COLEC10: variants seen among roughly 807,000 people sequenced by gnomAD.
The protein encoded by COLEC10 is collectin-10.
Under a neutral mutation model 28.4 loss-of-function variants are expected in COLEC10, and 22 were observed. The ratio of observed to expected loss-of-function variants is 0.78; its 90% CI spans 0.55 to 1.11. COLEC10 has a LOEUF of 1.11. Ranked by LOEUF, COLEC10 falls within the 50% of genes least tolerant of loss-of-function variation. COLEC10 has a pLI of 0.00. For synonymous variants in COLEC10, 125 were observed against 116.1 expected (o/e 1.08, Z -0.49); for missense variants, 361 against 344.1 (o/e 1.05, Z -0.39).
intron 3 of COLEC10, among the ~76,000 whole-genome samples, chr8:119,094,110 C>T (rs575807207): frequency 6.6e-6 from 1 of 152,250 alleles, no homozygotes; most frequent in African/African-American, 2.4e-5. Flanking sequence ...CTATGTAGCT[C>T]TATCCAAAGC....
At chr8:118,976,062 A>C in the COLEC10 span, among the ~76,000 whole-genome samples, 2 of 152,040 alleles carry the variant, frequency 1.3e-5, no homozygotes, top group Non-Finnish European at 2.9e-5. Context: ...AGTTTCTTTA[A>C]ATGTTTGAAA....
At chr8:119,045,545 G>C (rs1814572415) in intron 2 of COLEC10, among the ~76,000 whole-genome samples, 1 of 152,144 alleles carries the variant, frequency 6.6e-6, no homozygotes, top group South Asian at 2.1e-4. Context: ...AAGTCCAAAG[G>C]TCAATTACTT....
At chr8:118,953,886 T>C in the COLEC10 span, among the ~76,000 whole-genome samples, 1 of 152,240 alleles carries the variant, frequency 6.6e-6, no homozygotes. Flanking sequence ...TTTTTTGTTA[T>C]TCCTATAATG....
intron 5 of COLEC10, among the ~76,000 whole-genome samples, chr8:119,105,193 G>C (rs1219410392): frequency 2.0e-5 from 3 of 152,240 alleles, no homozygotes; most frequent in African/African-American, 7.2e-5. Context: ...CAAAGACATG[G>C]TCATTGTCCT....
chr8:119,062,492 T>G (rs1171363019), upstream of COLEC10, among the ~76,000 whole-genome samples: 2 of 147,696 alleles, frequency 1.4e-5, no homozygotes, highest in Admixed American at 1.4e-4. Flanking sequence ...TTTTTTTTTT[T>G]CTTTTTAGAC....
Position 119,081,581 on chromosome 8 carries a change from C to T in COLEC10, c.149-8099C>T, listed in dbSNP as rs531871358. On this transcript the variant is annotated intron_variant, in intron 1 of 5. Coordinates refer to ENST00000332843, the MANE Select transcript of COLEC10 (RefSeq NM_006438.5). ...AATTGAAAATGAAAAAAATGTTTTT[C>T]GATGGAGGCAGGAACTGAAAGACAT... is the stretch of plus-strand genomic sequence containing the variant. Among the ~76,000 whole-genome samples, 6 of 152,008 alleles carry T rather than the reference C, an allele frequency of 3.9e-5. No individual in the cohort carries two copies. The South Asian group carries it at 8.3e-4, about 21-fold the overall frequency.
At chr8:119,000,719 T>C (rs1813680514) in intron 1 of COLEC10, among the ~76,000 whole-genome samples, 1 of 152,154 alleles carries the variant, frequency 6.6e-6, no homozygotes, top group South Asian at 2.1e-4. Flanking sequence ...ACTGGAATAA[T>C]GTGATATTTT....
intron 5 of COLEC10, among the ~76,000 whole-genome samples, chr8:119,104,427 C>T (rs1014634032): frequency 6.6e-6 from 1 of 152,056 alleles, no homozygotes; most frequent in African/African-American, 2.4e-5. Context: ...TTCTCTGACT[C>T]CTCTATCCAC....
the COLEC10 span, among the ~76,000 whole-genome samples, chr8:118,978,127 G>A: frequency 1.3e-5 from 2 of 152,054 alleles, no homozygotes; most frequent in Non-Finnish European, 2.9e-5. Context: ...TAGAGCCAAA[G>A]ATAAAATCAA....
chr8:119,048,749 C>G (rs996076516), intron 2 of COLEC10, among the ~76,000 whole-genome samples: 8 of 152,092 alleles, frequency 5.3e-5, no homozygotes, highest in Non-Finnish European at 1.0e-4. Context: ...TAAGATGGGT[C>G]TCTTGAAGAC....
intron 2 of COLEC10, among the ~76,000 whole-genome samples, chr8:119,042,071 C>A (rs968987312): frequency 4.6e-5 from 7 of 151,896 alleles, no homozygotes; most frequent in Admixed American, 1.3e-4. Flanking sequence ...AATCTCCGCT[C>A]ACTACAACCT....
chr8:119,090,854 C>A (rs1489148757), intron 2 of COLEC10, among the ~76,000 whole-genome samples: 1 of 152,156 alleles, frequency 6.6e-6, no homozygotes, highest in African/African-American at 2.4e-5. Context: ...TTTCACCTGG[C>A]CCTTCTCTAA....
chr8:119,061,822 A>G (rs1272619084), intron 2 of COLEC10, among the ~76,000 whole-genome samples: 1 of 152,164 alleles, frequency 6.6e-6, no homozygotes, highest in East Asian at 1.9e-4. Context: ...AAAATAGTCA[A>G]GTTAACTCTT....
At chr8:119,065,923 A>G (rs1814947037), upstream of COLEC10, among the ~76,000 whole-genome samples, 1 of 151,962 alleles carries the variant, frequency 6.6e-6, no homozygotes, top group Non-Finnish European at 1.5e-5. Flanking sequence ...TCCTGAAAGT[A>G]TTTCCCCATC....
chr8:119,034,864 A>G (rs1814358791), intron 2 of COLEC10, among the ~76,000 whole-genome samples: 1 of 152,206 alleles, frequency 6.6e-6, no homozygotes, highest in South Asian at 2.1e-4. Context: ...ATGGGAATCA[A>G]AATCTTTATT....
chr8:119,012,686 T>C (rs1338233781), intron 2 of COLEC10, among the ~76,000 whole-genome samples: 4 of 150,722 alleles, frequency 2.7e-5, no homozygotes, highest in African/African-American at 9.9e-5. Flanking sequence ...TTTCTTCTTG[T>C]GTGAGTTTTG....
intron 2 of COLEC10, among the ~76,000 whole-genome samples, chr8:119,012,386 A>G (rs1467858570): frequency 6.7e-6 from 1 of 150,210 alleles, no homozygotes; most frequent in Non-Finnish European, 1.5e-5. Flanking sequence ...TTTATTGAAG[A>G]TTTTTGCATA....
At chr8:119,100,032 T>C (rs985727157) in intron 3 of COLEC10, among the ~76,000 whole-genome samples, 2 of 152,204 alleles carry the variant, frequency 1.3e-5, no homozygotes, top group Non-Finnish European at 2.9e-5. Flanking sequence ...AAAGAAAATA[T>C]AATGTTTTAA....
At chr8:119,063,656 G>A (rs1024149911), upstream of COLEC10, among the ~76,000 whole-genome samples, 1 of 150,700 alleles carries the variant, frequency 6.6e-6, no homozygotes, top group Non-Finnish European at 1.5e-5. Flanking sequence ...CTTTTGTCAC[G>A]TAAGGTCATG....
Sources: gnomAD v4.1 joint callset for allele counts (sites outside exome capture counted in the v4.1 genomes callset) on GRCh38, gnomAD v4.1.1 for gene constraint, MANE v1.5 for transcripts, NCBI Gene and HGNC (gene_info 2026-07-23, HGNC 2026-07-21) for gene names.